Variants in LASP1 observed in about 807,000 individuals in gnomAD.
The protein encoded by LASP1 is LIM and SH3 domain protein 1.
In LASP1, 10 loss-of-function variants were observed where a neutral mutation model predicts 38.6. The ratio of observed to expected loss-of-function variants is 0.26; its 90% CI spans 0.16 to 0.44. LASP1 has a LOEUF of 0.44. Ranked by LOEUF, LASP1 falls within the 20% of genes least tolerant of loss-of-function variation. The pLI is 1.00. For synonymous variants in LASP1, 132 were observed against 140.8 expected (o/e 0.94, Z 0.44); for missense variants, 243 against 375.7 (o/e 0.65, Z 2.92).
chr17:38,892,847 T>C (rs925657933), intron 3 of LASP1, among the ~76,000 whole-genome samples: 1 of 152,198 alleles, frequency 6.6e-6, no homozygotes, highest in Non-Finnish European at 1.5e-5. Context: ...CTGTGCCCCC[T>C]GCTTCCCAGG....
chr17:38,900,019 C>T (rs941313409), intron 4 of LASP1, among the ~76,000 whole-genome samples: 3 of 151,526 alleles, frequency 2.0e-5, no homozygotes, highest in Non-Finnish European at 1.5e-5. Flanking sequence ...TGTGAGCCAC[C>T]GCACCCGGCC....
At chr17:38,896,099 C>T (rs28725387) in intron 3 of LASP1, among the ~76,000 whole-genome samples, 7,927 of 152,176 alleles carry the variant, frequency 0.052, 595 homozygotes, top group African/African-American at 0.16. Flanking sequence ...GGGGCAAGCA[C>T]TCCTGCCAGG....
At chr17:38,916,276 T>G (rs1386592718) in intron 6 of LASP1, 1 of 152,394 alleles carries the variant, frequency 6.6e-6, no homozygotes, top group Non-Finnish European at 1.5e-5. Context: ...ATTAAGACAT[T>G]TGGCCGGGGG....
chr17:38,915,192 T>G, intron 6 of LASP1, 46 bp downstream of exon 6: 1 of 1,510,658 alleles, frequency 6.6e-7, no homozygotes, highest in African/African-American at 1.4e-5. Flanking sequence ...CAGGGGGTCC[T>G]TCGGGAAGGC....
chr17:38,911,759 G>C (rs1480405922), intron 4 of LASP1, among the ~76,000 whole-genome samples: 1 of 151,938 alleles, frequency 6.6e-6, no homozygotes, highest in Admixed American at 6.6e-5. Context: ...GAGGCAATGA[G>C]ATATGTATGT....
chr17:38,883,938 G>A (rs977916605), intron 2 of LASP1, among the ~76,000 whole-genome samples: 13 of 151,488 alleles, frequency 8.6e-5, no homozygotes, highest in African/African-American at 2.9e-4. Flanking sequence ...TTAGCAGGGA[G>A]CCCTCCCTTC....
chr17:38,879,952 C>T (rs908777784), intron 2 of LASP1, among the ~76,000 whole-genome samples: 1 of 152,090 alleles, frequency 6.6e-6, no homozygotes, highest in African/African-American at 2.4e-5. Flanking sequence ...TCTGTCCTGG[C>T]CCCTCCTTCA....
chr17:38,912,423 G>A (rs1222721725), intron 4 of LASP1, among the ~76,000 whole-genome samples: 1 of 151,694 alleles, frequency 6.6e-6, no homozygotes, highest in Non-Finnish European at 1.5e-5. Flanking sequence ...GGTCAGAGTA[G>A]GGCCAGGGTG....
intron 6 of LASP1, chr17:38,916,424 G>T (rs1236498551): frequency 6.6e-6 from 1 of 151,658 alleles, no homozygotes; most frequent in Non-Finnish European, 1.5e-5. Context: ...GCCAGGTGTG[G>T]TGGTGTATGC....
intron 1 of LASP1, among the ~76,000 whole-genome samples, chr17:38,874,949 G>A (rs1913718156): frequency 6.6e-6 from 1 of 152,122 alleles, no homozygotes; most frequent in Non-Finnish European, 1.5e-5. Flanking sequence ...TTGGCTCCGG[G>A]TGCAGGCCTG....
At chr17:38,888,557 C>T (rs1914213980) in intron 2 of LASP1, among the ~76,000 whole-genome samples, 2 of 152,186 alleles carry the variant, frequency 1.3e-5, no homozygotes, top group South Asian at 2.1e-4. Context: ...GGATTATAGG[C>T]GTGAGCCACC....
chr17:38,919,044 G>T lies in LASP1; in HGVS notation c.*266G>T. ...GGCCTCTCTGGGGGAGGCAGGGCTG[G>T]AATGGGAGACCTGTTGGCCTGTGGG... On this transcript the variant is annotated 3_prime_UTR_variant, in exon 7 of 7. Transcript: ENST00000318008. 7.0e-6 allele frequency: 1 copy of T among 143,214 alleles called. No individual in the cohort carries two copies. Among genetic ancestry groups the T allele is most frequent in the Non-Finnish European group, 1.2e-5 (1 of 82,810 alleles). The allele number at this position is 143,214 out of a possible 1,614,324, so 8.9% of individuals were successfully genotyped here.
rs1915252630 is a variant in LASP1 at position 38,919,951 on chromosome 17, G to A, written c.*1173G>A. On this transcript the variant is annotated 3_prime_UTR_variant, in exon 7 of 7. Coordinates refer to ENST00000318008, the MANE Select transcript of LASP1 (RefSeq NM_006148.4). ...CTGTGTGTGGGTGGGGTTATGTGAG[G>A]GTATGAAGAGCTGTCTTCCCCTGAG... 1.9e-6 allele frequency: 1 copy of A among 534,656 alleles called. No individual in the cohort carries two copies. Among genetic ancestry groups the A allele is most frequent in the Non-Finnish European group, 3.6e-6 (1 of 276,504 alleles). 33.1% of individuals were successfully genotyped at this position (534,656 alleles called of 1,614,324 possible). A position where few individuals can be genotyped will look rare whatever the true frequency, so the allele number is the denominator to read the frequency against.
At chr17:38,873,273 G>A (rs1913662344) in intron 1 of LASP1, among the ~76,000 whole-genome samples, 2 of 152,088 alleles carry the variant, frequency 1.3e-5, no homozygotes, top group African/African-American at 2.4e-5. Context: ...GTGGTGCCCC[G>A]TTTTGCTAGC....
chr17:38,883,076 A>C (rs936632092), intron 2 of LASP1, among the ~76,000 whole-genome samples: 1 of 152,068 alleles, frequency 6.6e-6, no homozygotes, highest in Non-Finnish European at 1.5e-5. Context: ...GATTCTAGCA[A>C]ACTGTCTTTA....
At position 38,899,747 on chromosome 17, in the gene LASP1, C is replaced by CTTTTTTTTTTTT. The variant is rs34397105; in HGVS notation, c.357+1232_357+1243dup. On this transcript the variant is annotated intron_variant, in intron 4 of 6. Coordinates refer to ENST00000318008, the MANE Select transcript of LASP1 (RefSeq NM_006148.4). ...CTTCCTACTTAGAGGGCGTTCAGAT[C>CTTTTTTTTTTTT]TTTTTTTTTTTTTTTGAGACAGAGT... Among the ~76,000 whole-genome samples the CTTTTTTTTTTTT allele has an allele frequency of 1.4e-3, 196 of 136,100 alleles. 1 individual carries two copies. The highest frequency in any genetic ancestry group is 2.1e-3 in the Non-Finnish European group (132 of 63,682). The allele number at this position is 136,100 out of a possible 152,430, so 89.3% of individuals were successfully genotyped here. A position where few individuals can be genotyped will look rare whatever the true frequency, so the allele number is the denominator to read the frequency against.
Position 38,920,444 on chromosome 17 carries a change from C to T in LASP1, c.*1666C>T, listed in dbSNP as rs774487083. The T allele has an allele frequency of 1.1e-5, 3 of 269,926 alleles. No homozygotes were observed. The highest frequency in any genetic ancestry group is 2.1e-5 in the African/African-American group (1 of 47,490). The allele number at this position is 269,926 out of a possible 1,614,324, so 16.7% of individuals were successfully genotyped here. ...CTCTGCTCATGGGTGGCTGTGACAA[C>T]CCTGGCCTCACTTGATTCATCTCTG... is the stretch of plus-strand genomic sequence containing the variant. On this transcript the variant is annotated 3_prime_UTR_variant, in exon 7 of 7. Coordinates refer to ENST00000318008, the MANE Select transcript of LASP1 (RefSeq NM_006148.4).
intron 2 of LASP1, among the ~76,000 whole-genome samples, chr17:38,889,634 C>G (rs1028670007): frequency 2.6e-5 from 4 of 152,156 alleles, no homozygotes; most frequent in African/African-American, 9.7e-5. Flanking sequence ...TATAAAATTA[C>G]CTTCAGGCCA....
intron 2 of LASP1, among the ~76,000 whole-genome samples, chr17:38,885,999 A>C (rs1270287545): frequency 6.6e-6 from 1 of 152,098 alleles, no homozygotes; most frequent in Non-Finnish European, 1.5e-5. Flanking sequence ...CTATAGACAC[A>C]GTCTCCTGAC....
Sources: allele counts gnomAD v4.1 joint callset (sites outside exome capture counted in the v4.1 genomes callset), GRCh38; gene constraint gnomAD v4.1.1; transcripts MANE v1.5; gene names NCBI Gene and HGNC (gene_info 2026-07-23, HGNC 2026-07-21).